Variants in CEP112 observed in about 807,000 individuals in gnomAD.
CEP112 encodes centrosomal protein of 112 kDa.
Under a neutral mutation model 153.0 loss-of-function variants are expected in CEP112, and 127 were observed. That is an observed-to-expected ratio of 0.83 (90% CI 0.72 to 0.96). The LOEUF (loss-of-function observed/expected upper bound fraction) is 0.96. Ranked by LOEUF, CEP112 falls within the 40% of genes least tolerant of loss-of-function variation. CEP112 has a pLI of 0.00. For synonymous variants in CEP112, 358 were observed against 374.4 expected, an observed-to-expected ratio of 0.96 and a Z score of 0.51; for missense variants, 1,089 against 1,101.2, an observed-to-expected ratio of 0.99 and a Z score of 0.16.
At chr17:65,808,741 G>C (rs1396246341) in intron 21 of CEP112, among the ~76,000 whole-genome samples, 2 of 152,122 alleles carry the variant, frequency 1.3e-5, no homozygotes, top group Non-Finnish European at 1.5e-5. Context: ...AGGCCACCCA[G>C]TCATGCTTCC....
intron 23 of CEP112, among the ~76,000 whole-genome samples, chr17:65,695,927 T>C (rs1290411941): frequency 6.6e-6 from 1 of 152,220 alleles, no homozygotes; most frequent in Non-Finnish European, 1.5e-5. Context: ...TCTAAGTTCG[T>C]ACTAGAGAAT....
intron 17 of CEP112, among the ~76,000 whole-genome samples, chr17:66,004,322 A>C (rs1309441233): frequency 1.3e-5 from 2 of 152,158 alleles, no homozygotes; most frequent in Admixed American, 1.3e-4. Flanking sequence ...TCTACTAAAA[A>C]AAATAAATAA....
chr17:66,182,583 G>A (rs551381893), intron 2 of CEP112, among the ~76,000 whole-genome samples: 2 of 152,222 alleles, frequency 1.3e-5, no homozygotes, highest in African/African-American at 2.4e-5. Context: ...CACCTACTAC[G>A]CCTTAGAGAA....
In CEP112 at chr17:65,636,935, G is replaced by T. The variant is rs557774910; in HGVS notation, c.2864+189C>A. The T allele has an allele frequency of 1.5e-5, 9 of 587,580 alleles. 1 individual carries two copies. The highest frequency in any genetic ancestry group is 3.7e-5 in the African/African-American group (2 of 53,556). 36.4% of individuals were successfully genotyped at this position (587,580 alleles called of 1,614,324 possible). On this transcript the variant is annotated intron_variant, in intron 26 of 26. Coordinates refer to ENST00000535342, the MANE Select transcript of CEP112 (RefSeq NM_001199165.4). ...CAGATTCTCTCATCTTGTTTTGATAGTACAGACTAAGCACTGGGATGAGAA... is the reference window on the plus strand; with the variant it reads ...CAGATTCTCTCATCTTGTTTTGATATTACAGACTAAGCACTGGGATGAGAA...
At chr17:65,989,830 G>A (rs1170917846) in intron 17 of CEP112, among the ~76,000 whole-genome samples, 3 of 152,086 alleles carry the variant, frequency 2.0e-5, no homozygotes, top group East Asian at 1.9e-4. Context: ...GTTAAGAGAC[G>A]GGCAATATAA....
At chr17:66,031,256 C>T (rs2065451753) in intron 12 of CEP112, among the ~76,000 whole-genome samples, 3 of 152,140 alleles carry the variant, frequency 2.0e-5, no homozygotes, top group Admixed American at 1.3e-4. Flanking sequence ...AAACAAAGAA[C>T]ATATACTTTG....
intron 21 of CEP112, among the ~76,000 whole-genome samples, chr17:65,784,222 C>T (rs891655391): frequency 6.6e-5 from 10 of 152,148 alleles, no homozygotes; most frequent in African/African-American, 2.2e-4. Context: ...AATGTTAGGT[C>T]TAAGGCATGG....
intron 21 of CEP112, among the ~76,000 whole-genome samples, chr17:65,850,427 C>A (rs1468495252): frequency 6.6e-6 from 1 of 152,130 alleles, no homozygotes; most frequent in Non-Finnish European, 1.5e-5. Flanking sequence ...ATTCCACGAA[C>A]CAACAGTGAA....
chr17:65,703,479 C>G (rs187600683), intron 23 of CEP112, among the ~76,000 whole-genome samples: 1 of 147,500 alleles, frequency 6.8e-6, no homozygotes, highest in Non-Finnish European at 1.5e-5. Context: ...CCACTGCACT[C>G]CAGAATGGGC....
chr17:65,758,830 T>C (rs1321250558), intron 21 of CEP112, among the ~76,000 whole-genome samples: 2 of 152,186 alleles, frequency 1.3e-5, no homozygotes, highest in Non-Finnish European at 2.9e-5. Context: ...TTCAAAAGCT[T>C]TGTAGGCATC....
At chr17:65,788,955 G>T (rs969018022) in intron 21 of CEP112, among the ~76,000 whole-genome samples, 1 of 151,988 alleles carries the variant, frequency 6.6e-6, no homozygotes, top group Non-Finnish European at 1.5e-5. Context: ...TTAAATAATT[G>T]CCCCATTCCA....
At chr17:65,885,513 A>T (rs1043871242) in intron 20 of CEP112, among the ~76,000 whole-genome samples, 4 of 152,194 alleles carry the variant, frequency 2.6e-5, no homozygotes, top group Non-Finnish European at 5.9e-5. Flanking sequence ...GTTTGAATTA[A>T]CTGCCTATGC....
chr17:65,881,124 AG>A (rs2059053825), intron 20 of CEP112, among the ~76,000 whole-genome samples: 1 of 152,150 alleles, frequency 6.6e-6, no homozygotes, highest in Admixed American at 6.5e-5. Flanking sequence ...CTGAGGCAGG[AG>A]AATCACACTT....
intron 24 of CEP112, among the ~76,000 whole-genome samples, chr17:65,674,530 G>T (rs1434956184): frequency 6.6e-6 from 1 of 152,166 alleles, no homozygotes; most frequent in Non-Finnish European, 1.5e-5. Flanking sequence ...GCAGTCCAGG[G>T]CTCACTCAGG....
intron 12 of CEP112, among the ~76,000 whole-genome samples, chr17:66,034,531 T>C (rs1398187339): frequency 6.6e-6 from 1 of 152,086 alleles, no homozygotes; most frequent in Non-Finnish European, 1.5e-5. Flanking sequence ...CCACAGACTT[T>C]GCCTAAAGAA....
chr17:66,160,910 G>C (rs981457004), intron 4 of CEP112, among the ~76,000 whole-genome samples: 7 of 151,910 alleles, frequency 4.6e-5, no homozygotes, highest in African/African-American at 1.7e-4. Flanking sequence ...ACAACCTACA[G>C]AATGGGAGAA....
rs937959134 is a variant in CEP112, at chr17:65,743,212, T to G, written c.2463A>C (p.Ile821=). The G allele has an allele frequency of 2.5e-6, 4 of 1,606,126 alleles. No individual in the cohort carries two copies. The African/African-American group carries it at 5.4e-5, about 22-fold the overall frequency. Residue 821 remains isoleucine, a synonymous_variant, in exon 23 of 27, where the codon ATA becomes ATC. Coordinates refer to ENST00000535342, the MANE Select transcript of CEP112 (RefSeq NM_001199165.4). Reference sequence around the variant, plus strand: ...AGGAAATGGTTGTCTGAAGTTCTGCTATGATCTAAAATGAAAACAGCATGC... The same window carrying G: ...AGGAAATGGTTGTCTGAAGTTCTGCGATGATCTAAAATGAAAACAGCATGC... ...TQKLAKSSQI[I]AELQTTISSL...
intron 18 of CEP112, among the ~76,000 whole-genome samples, chr17:65,939,534 C>T (rs531273904): frequency 6.6e-6 from 1 of 152,094 alleles, no homozygotes; most frequent in Non-Finnish European, 1.5e-5. Context: ...GGTATAGGCA[C>T]AAGAGCTGAT....
chr17:65,960,317 T>C (rs2062153273), intron 18 of CEP112, among the ~76,000 whole-genome samples: 1 of 152,152 alleles, frequency 6.6e-6, no homozygotes. Context: ...ACAGAAATAG[T>C]ACTTAAAATC....
Sources: allele counts gnomAD v4.1 joint callset (sites outside exome capture counted in the v4.1 genomes callset), GRCh38; gene constraint gnomAD v4.1.1; transcripts MANE v1.5; gene names NCBI Gene and HGNC (gene_info 2026-07-23, HGNC 2026-07-21).